Variants in GRIN2B observed in about 807,000 individuals in gnomAD.
GRIN2B encodes the protein glutamate ionotropic receptor NMDA type subunit 2B.
Under a neutral mutation model 114.5 loss-of-function variants are expected in GRIN2B, and 5 were observed. That is an observed-to-expected ratio of 0.04 (90% CI 0.02 to 0.09). GRIN2B has a LOEUF of 0.09. GRIN2B is among the 10% of genes least tolerant of loss of function. GRIN2B has a pLI of 1.00. For missense variants in GRIN2B, 1,108 were observed against 1,943.5 expected (o/e 0.57, Z 8.08); for synonymous variants, 787 against 745.1 (o/e 1.06, Z -0.92).
chr12:13,563,898 G>A lies in GRIN2B; in HGVS notation c.3340C>T (p.Pro1114Ser), dbSNP rs2136404905. The A allele has an allele frequency of 6.2e-7, 1 of 1,614,120 alleles. No individual in the cohort carries two copies. ...TAGCGCTTGTGGTCAGGGGAGCGGGGCGGTCGGCGACGGTAGGCCAGCTCG... is the reference window on the plus strand; with the variant it reads ...TAGCGCTTGTGGTCAGGGGAGCGGGACGGTCGGCGACGGTAGGCCAGCTCG... Reference protein sequence around the residue: ...EIELAYRRRPPRSPDHKRYFR... With the variant: ...EIELAYRRRPSRSPDHKRYFR... Residue 1114 changes from proline to serine, a missense_variant, in exon 14 of 14, where the codon CCC becomes TCC. By Grantham distance (74) the Pro-to-Ser change is moderately conservative. Transcript: ENST00000609686.
chr12:13,974,032 C>G (rs766799100), intron 2 of GRIN2B, among the ~76,000 whole-genome samples: 3 of 152,140 alleles, frequency 2.0e-5, no homozygotes, highest in Non-Finnish European at 2.9e-5. Flanking sequence ...TTTTGTGAAT[C>G]CCCTAGGAAT....
At position 13,539,729 on chromosome 12, in the gene GRIN2B, T is replaced by G. The variant is rs1373739738; in HGVS notation, c.*23054A>C. The stretch of plus-strand genomic sequence containing the variant: ...TAAAGTGCTCTATTCCTTTAACAAG[T>G]ATATGTCAAGAAAAAGTTAGAAAGC... On this transcript the variant is annotated 3_prime_UTR_variant, in exon 14 of 14. Transcript: ENST00000609686. The G allele has an allele frequency of 3.8e-4, 58 of 152,166 alleles. 1 individual carries two copies. The highest frequency in any genetic ancestry group is 3.8e-3 in the Admixed American group (58 of 15,282). The allele number at this position is 152,166 out of a possible 1,614,324, so 9.4% of individuals were successfully genotyped here.
chr12:13,850,126 G>A (rs952469135), intron 3 of GRIN2B, among the ~76,000 whole-genome samples: 1 of 152,100 alleles, frequency 6.6e-6, no homozygotes, highest in Non-Finnish European at 1.5e-5. Flanking sequence ...TTTGGTCTGT[G>A]GTAACAGCAA....
Position 13,563,158 on chromosome 12 carries a change from T to A in GRIN2B, c.4080A>T (p.Gly1360=). The A allele has an allele frequency of 6.2e-7, 1 of 1,614,172 alleles. No individual in the cohort carries two copies. The highest frequency in any genetic ancestry group is 8.5e-7 in the Non-Finnish European group (1 of 1,180,030). The change falls in exon 14 of 14, where the codon GGA becomes GGT. Residue 1360 remains glycine, a synonymous_variant. Coordinates refer to ENST00000609686, the MANE Select transcript of GRIN2B (RefSeq NM_000834.5). The stretch of plus-strand genomic sequence containing the variant: ...CGCCGGGGTTGTTGTGGTGGTGATG[T>A]CCGGCAGTGGGCACTGAGGACTTGT... ...ANNKSSVPTA[G]HHHHNNPGGG... is the part of the protein sequence containing the mutation.
chr12:13,636,069 G>C (rs1447101116), intron 5 of GRIN2B, among the ~76,000 whole-genome samples: 1 of 151,630 alleles, frequency 6.6e-6, no homozygotes, highest in African/African-American at 2.4e-5. Context: ...TGTGTGATGG[G>C]AGTTAGACAG....
chr12:13,624,654 T>C (rs1949550677), intron 5 of GRIN2B, among the ~76,000 whole-genome samples: 1 of 152,226 alleles, frequency 6.6e-6, no homozygotes, highest in Non-Finnish European at 1.5e-5. Context: ...CTTACTAAGC[T>C]GGGGACCGGT....
chr12:13,744,017 A>G (rs1171087266), intron 4 of GRIN2B, among the ~76,000 whole-genome samples: 1 of 152,200 alleles, frequency 6.6e-6, no homozygotes, highest in Non-Finnish European at 1.5e-5. Flanking sequence ...TTAACTTTAG[A>G]AAAAGAAGAT....
chr12:13,891,430 T>C (rs955446743), intron 2 of GRIN2B, among the ~76,000 whole-genome samples: 2 of 152,132 alleles, frequency 1.3e-5, no homozygotes, highest in Admixed American at 1.3e-4. Flanking sequence ...AAACCTATAA[T>C]GGTCATTGTA....
At chr12:13,767,820 A>G (rs2136642752) in intron 3 of GRIN2B, among the ~76,000 whole-genome samples, 1 of 152,342 alleles carries the variant, frequency 6.6e-6, no homozygotes, top group East Asian at 1.9e-4. Context: ...TTTTCATAAG[A>G]GTCCCCAAAA....
chr12:13,824,867 A>AAC (rs1865003114), intron 3 of GRIN2B, among the ~76,000 whole-genome samples: 1 of 151,366 alleles, frequency 6.6e-6, no homozygotes, highest in Non-Finnish European at 1.5e-5. Flanking sequence ...AAAAAAAAAA[A>AAC]AAAAAAAAAA....
At chr12:13,961,856 G>A (rs748527613) in intron 2 of GRIN2B, among the ~76,000 whole-genome samples, 3 of 152,188 alleles carry the variant, frequency 2.0e-5, no homozygotes, top group South Asian at 2.1e-4. Flanking sequence ...CAGGCAGCAC[G>A]GCTCAGGCAC....
rs1948483272 is a variant in GRIN2B at position 13,556,743 on chromosome 12, T to C, written c.*6040A>G. 2 of 152,206 alleles carry C rather than the reference T, an allele frequency of 1.3e-5. No homozygotes were observed. The highest frequency in any genetic ancestry group is 4.1e-4 in the South Asian group (2 of 4,832). 9.4% of individuals were successfully genotyped at this position (152,206 alleles called of 1,614,324 possible). Reference sequence around the variant, plus strand: ...GCTCTGAGGAATTCTACTCATCTACTCTGCTTTTCACCTTCAGTTCTTTCA... The same window carrying C: ...GCTCTGAGGAATTCTACTCATCTACCCTGCTTTTCACCTTCAGTTCTTTCA... On this transcript the variant is annotated 3_prime_UTR_variant, in exon 14 of 14. Coordinates refer to ENST00000609686, the MANE Select transcript of GRIN2B (RefSeq NM_000834.5).
At chr12:13,884,375 TATC>T (rs1184398766) in intron 2 of GRIN2B, among the ~76,000 whole-genome samples, 3 of 152,186 alleles carry the variant, frequency 2.0e-5, no homozygotes, top group Non-Finnish European at 4.4e-5. Flanking sequence ...TACCTAAGAA[TATC>T]ATGTTTTTGA....
intron 3 of GRIN2B, among the ~76,000 whole-genome samples, chr12:13,784,614 A>T (rs1864190045): frequency 6.6e-6 from 1 of 152,110 alleles, no homozygotes; most frequent in African/African-American, 2.4e-5. Flanking sequence ...GGCCAATATG[A>T]TGTGATAGAA....
chr12:13,973,269 T>C (rs574314283), intron 2 of GRIN2B, among the ~76,000 whole-genome samples: 2 of 152,118 alleles, frequency 1.3e-5, no homozygotes, highest in Non-Finnish European at 2.9e-5. Context: ...TATATAAAGA[T>C]TAATGGGAAC....
At chr12:13,944,802 T>C (rs1169564672) in intron 2 of GRIN2B, among the ~76,000 whole-genome samples, 1 of 152,180 alleles carries the variant, frequency 6.6e-6, no homozygotes, top group Non-Finnish European at 1.5e-5. Context: ...ATAAATCAAG[T>C]ATTTTTCATC....
chr12:13,709,694 A>G (rs1440543276), intron 4 of GRIN2B, among the ~76,000 whole-genome samples: 1 of 151,966 alleles, frequency 6.6e-6, no homozygotes, highest in Admixed American at 6.6e-5. Context: ...CTAAATTCTA[A>G]TAACCACAAC....
In GRIN2B at chr12:13,866,254, A is replaced by T. The variant is rs761564201; in HGVS notation, c.-18-28T>A. On this transcript the variant is annotated intron_variant, in intron 2 of 13. Coordinates refer to ENST00000609686, the MANE Select transcript of GRIN2B (RefSeq NM_000834.5). Reference sequence around the variant, plus strand: ...GCAAACACAAAGAAAGAGCATGTTAAAATAGGATCTACATCACGTAACCTG... The same window carrying T: ...GCAAACACAAAGAAAGAGCATGTTATAATAGGATCTACATCACGTAACCTG... The T allele has an allele frequency of 4.4e-6, 7 of 1,588,116 alleles. No homozygotes were observed. In the East Asian group the frequency reaches 1.6e-4, roughly 35 times the overall value.
intron 5 of GRIN2B, among the ~76,000 whole-genome samples, chr12:13,649,872 G>A (rs1009963208): frequency 1.3e-5 from 2 of 152,032 alleles, no homozygotes; most frequent in Admixed American, 6.6e-5. Context: ...CCCTTCTAGC[G>A]CTAACAGTTT....
Sources: allele counts gnomAD v4.1 joint callset (sites outside exome capture counted in the v4.1 genomes callset), GRCh38; gene constraint gnomAD v4.1.1; transcripts MANE v1.5; gene names NCBI Gene and HGNC (gene_info 2026-07-23, HGNC 2026-07-21).